Variants in SCAPER observed in about 807,000 individuals in gnomAD.
SCAPER encodes the protein S-phase cyclin A associated protein in the ER.
In SCAPER, 98 loss-of-function variants were observed where a neutral mutation model predicts 182.2. The observed-to-expected ratio is 0.54, with a 90% CI of 0.46 to 0.64. The LOEUF is 0.64. Among genes scored for constraint, SCAPER ranks in the 30% least tolerant of loss-of-function variants. SCAPER has a pLI of 0.00. For missense variants in SCAPER, 1,432 were observed against 1,690.0 expected, an observed-to-expected ratio of 0.85 and a Z score of 2.68; for synonymous variants, 605 against 564.6, an observed-to-expected ratio of 1.07 and a Z score of -1.01.
At chr15:76,697,679 G>A (rs980049679) in intron 20 of SCAPER, among the ~76,000 whole-genome samples, 7 of 151,560 alleles carry the variant, frequency 4.6e-5, no homozygotes, top group East Asian at 3.9e-4. Context: ...CACTCTTGTC[G>A]CCCAGGCTAG....
At chr15:76,541,417 T>G (rs935612109) in intron 23 of SCAPER, among the ~76,000 whole-genome samples, 2 of 152,172 alleles carry the variant, frequency 1.3e-5, no homozygotes, top group African/African-American at 4.8e-5. Flanking sequence ...TGGATTTGCT[T>G]CTTCTACCCT....
At chr15:76,577,490 C>T (rs1269465756) in intron 22 of SCAPER, among the ~76,000 whole-genome samples, 9 of 152,090 alleles carry the variant, frequency 5.9e-5, no homozygotes, top group Admixed American at 5.9e-4. Context: ...CTTTGTCTTG[C>T]AACTTGGAAA....
chr15:76,437,085 A>G (rs2047247812), intron 25 of SCAPER, among the ~76,000 whole-genome samples: 1 of 152,068 alleles, frequency 6.6e-6, no homozygotes. Context: ...GTTCTATTTA[A>G]CTTTGATTGA....
intron 15 of SCAPER, among the ~76,000 whole-genome samples, chr15:76,738,541 CA>C (rs71143360): frequency 1.7e-4 from 24 of 144,024 alleles, no homozygotes; most frequent in Admixed American, 3.4e-4. Flanking sequence ...GACTCTGTCT[CA>C]AAAAAAAAAA....
At chr15:76,486,458 T>C (rs139758469) in intron 24 of SCAPER, among the ~76,000 whole-genome samples, 1 of 152,100 alleles carries the variant, frequency 6.6e-6, no homozygotes, top group East Asian at 1.9e-4. Context: ...TTTTGCAAAC[T>C]ATGTAACCGA....
chr15:76,890,744 G>A (rs2152596273), intron 1 of SCAPER, among the ~76,000 whole-genome samples: 2 of 152,330 alleles, frequency 1.3e-5, no homozygotes, highest in Middle Eastern at 6.8e-3. Context: ...GAGGTACAAA[G>A]AGGAGTTGGT....
intron 27 of SCAPER, among the ~76,000 whole-genome samples, chr15:76,382,293 C>T (rs1159691840): frequency 1.3e-5 from 2 of 151,810 alleles, no homozygotes; most frequent in Non-Finnish European, 2.9e-5. Context: ...TTCCTAAAAT[C>T]AATAGTAAAG....
chr15:76,437,540 C>T (rs2047278300), intron 25 of SCAPER, among the ~76,000 whole-genome samples: 1 of 152,154 alleles, frequency 6.6e-6, no homozygotes, highest in Admixed American at 6.5e-5. Context: ...CTTTCTTTTT[C>T]TTTTACACAC....
chr15:76,519,568 G>T (rs1373249857), intron 23 of SCAPER, among the ~76,000 whole-genome samples: 1 of 152,218 alleles, frequency 6.6e-6, no homozygotes, highest in Non-Finnish European at 1.5e-5. Context: ...AGCTCCTTAT[G>T]GGCATGGACT....
intron 20 of SCAPER, among the ~76,000 whole-genome samples, chr15:76,688,659 G>C (rs1405555864): frequency 2.6e-5 from 4 of 151,998 alleles, no homozygotes; most frequent in African/African-American, 9.7e-5. Flanking sequence ...TGGCTAGCCA[G>C]TTTTCCCAAC....
chr15:76,793,942 C>T (rs751616943), intron 8 of SCAPER, among the ~76,000 whole-genome samples: 1 of 152,138 alleles, frequency 6.6e-6, no homozygotes, highest in South Asian at 2.1e-4. Context: ...TCGAGGACAA[C>T]CAGCTGGTGT....
chr15:76,856,239 G>A (rs2071354570), intron 4 of SCAPER, among the ~76,000 whole-genome samples: 1 of 151,756 alleles, frequency 6.6e-6, no homozygotes, highest in South Asian at 2.1e-4. Flanking sequence ...ACACAAAGAA[G>A]GGAACAACAA....
intron 2 of SCAPER, among the ~76,000 whole-genome samples, chr15:76,870,888 TAAA>T (rs2072674926): frequency 6.6e-6 from 1 of 151,890 alleles, no homozygotes; most frequent in African/African-American, 2.4e-5. Flanking sequence ...ATTTTTTTAA[TAAA>T]AAGGTAAAAT....
chr15:76,615,478 TACACAC>T (rs138517413), intron 22 of SCAPER, among the ~76,000 whole-genome samples: 27 of 119,446 alleles, frequency 2.3e-4, no homozygotes, highest in African/African-American at 8.5e-4. Flanking sequence ...TATATATACA[TACACAC>T]ACACACAGAC....
rs1483365908 is a variant in SCAPER at position 76,354,786 on chromosome 15, T to G, written c.3856-646A>C. ...ATGAGACTGTTGTCTTGAAGCAGTC[T>G]TAAGTTTACAACTGTGTACATTTAA... On this transcript the variant is annotated intron_variant, in intron 29 of 31. Transcript: ENST00000563290. The surrounding 1 kb of genome is among the most constrained non-coding windows in gnomAD (Gnocchi z 4.4). 1 of 152,282 alleles carries G rather than the reference T, an allele frequency of 6.6e-6. No individual in the cohort carries two copies. The highest frequency in any genetic ancestry group is 1.9e-4 in the East Asian group (1 of 5,204). 9.4% of individuals were successfully genotyped at this position (152,282 alleles called of 1,614,324 possible).
At chr15:76,768,183 A>G (rs1039859948) in intron 10 of SCAPER, among the ~76,000 whole-genome samples, 2 of 152,196 alleles carry the variant, frequency 1.3e-5, no homozygotes, top group Admixed American at 1.3e-4. Flanking sequence ...ATATAACCCA[A>G]CAATTCCACT....
intron 4 of SCAPER, among the ~76,000 whole-genome samples, chr15:76,844,549 T>C (rs568198425): frequency 4.6e-5 from 7 of 152,072 alleles, no homozygotes; most frequent in East Asian, 3.8e-4. Flanking sequence ...ACTGATACCA[T>C]AGAAATTCAA....
At chr15:76,679,694 G>C (rs370173125) in intron 20 of SCAPER, among the ~76,000 whole-genome samples, 1 of 152,176 alleles carries the variant, frequency 6.6e-6, no homozygotes, top group Admixed American at 6.5e-5. Context: ...CCACTGATAA[G>C]GATGACAGTT....
chr15:76,612,806 T>C (rs1328537450), intron 22 of SCAPER, among the ~76,000 whole-genome samples: 1 of 152,198 alleles, frequency 6.6e-6, no homozygotes, highest in East Asian at 1.9e-4. Context: ...TCCATGCTCA[T>C]GGATAGGAAG....
Sources: gnomAD v4.1 joint callset for allele counts (sites outside exome capture counted in the v4.1 genomes callset) on GRCh38, gnomAD v4.1.1 for gene constraint, Gnocchi (gnomAD v3.1) non-coding constraint, MANE v1.5 for transcripts, NCBI Gene and HGNC (gene_info 2026-07-23, HGNC 2026-07-21) for gene names.